STK32C: variants seen among roughly 807,000 people sequenced by gnomAD.
The protein encoded by STK32C is serine/threonine kinase 32C, also known as serine/threonine-protein kinase 32C.
STK32C carries 31 observed loss-of-function variants against 56.5 expected under a neutral mutation model. The ratio of observed to expected loss-of-function variants is 0.55; its 90% CI spans 0.41 to 0.74. The LOEUF (loss-of-function observed/expected upper bound fraction) is 0.74, where lower values mean the gene tolerates loss of function less well. STK32C is among the 30% of genes least tolerant of loss of function. The pLI is 0.00. For missense variants in STK32C, 544 were observed against 676.9 expected (o/e 0.80, Z 2.18); for synonymous variants, 309 against 289.4 (o/e 1.07, Z -0.69).
At chr10:132,298,728 C>T (rs1200110555) in intron 1 of STK32C, among the ~76,000 whole-genome samples, 1 of 151,904 alleles carries the variant, frequency 6.6e-6, no homozygotes, top group Non-Finnish European at 1.5e-5. Flanking sequence ...GTGGAGTCAC[C>T]CAGGCAGTGT....
Position 132,243,013 on chromosome 10 carries a change from C to G in STK32C, c.318+2887G>C, listed in dbSNP as rs956740254. ...CTTACAGGCCAGAGGGGCCGGGGCT[C>G]GGCATGGGCTTGGGGTTCATGCCCA... On this transcript the variant is annotated intron_variant, in intron 2 of 11. Transcript: ENST00000298630. 2.0e-5 allele frequency among the ~76,000 whole-genome samples: 3 copies of G among 152,364 alleles called. No individual in the cohort carries two copies. In the East Asian group the frequency reaches 5.8e-4, roughly 29 times the overall value.
intron 10 of STK32C, among the ~76,000 whole-genome samples, chr10:132,212,632 G>A (rs1452981109): frequency 6.6e-6 from 1 of 152,148 alleles, no homozygotes; most frequent in African/African-American, 2.4e-5. Context: ...ATAGCCCATG[G>A]AACAGGAGGA....
intron 1 of STK32C, among the ~76,000 whole-genome samples, chr10:132,253,626 G>A (rs1049830981): frequency 6.7e-6 from 1 of 149,744 alleles, no homozygotes; most frequent in Non-Finnish European, 1.5e-5. Flanking sequence ...GGAGCTGGAG[G>A]GAGCTGAGGG....
rs183535649 is a variant in STK32C at position 132,225,404 on chromosome 10, G to T, written c.773-68C>A. On this transcript the variant is annotated intron_variant, in intron 6 of 11. Transcript: ENST00000298630. ...AGCCCGGACCCGTGGGCACAGGGCC[G>T]GCACCTTGAGGCCACATCCCGAGAC... 3 of 1,579,928 alleles carry T rather than the reference G, an allele frequency of 1.9e-6. No homozygotes were observed. In the East Asian group the frequency reaches 6.8e-5, roughly 36 times the overall value.
chr10:132,239,903 A>G (rs1249654405), intron 2 of STK32C, among the ~76,000 whole-genome samples: 19 of 152,228 alleles, frequency 1.2e-4, no homozygotes, highest in Admixed American at 1.2e-3. Flanking sequence ...ATCACTCGCC[A>G]TGGGAACACA....
chr10:132,331,200 C>CAAAAAAAAA (rs35734065), intron 1 of STK32C, among the ~76,000 whole-genome samples: 1 of 56,330 alleles, frequency 1.8e-5, no homozygotes, highest in African/African-American at 7.1e-5. Context: ...GACTCCACCT[C>CAAAAAAAAA]AAAAAAAAAA....
chr10:132,290,213 G>A (rs893878698), intron 1 of STK32C, among the ~76,000 whole-genome samples: 5 of 152,176 alleles, frequency 3.3e-5, no homozygotes, highest in African/African-American at 1.2e-4. Context: ...GGACACCGCA[G>A]TACACTCCCT....
rs554617205 is a variant in STK32C at position 132,245,440 on chromosome 10, C to T, written c.318+460G>A. Among the ~76,000 whole-genome samples, 302 of 152,332 alleles carry T rather than the reference C, an allele frequency of 2.0e-3. 4 individuals are homozygous for T. The highest frequency in any genetic ancestry group is 8.7e-3 in the South Asian group (42 of 4,830). On this transcript the variant is annotated intron_variant, in intron 2 of 11. Coordinates refer to ENST00000298630, the MANE Select transcript of STK32C (RefSeq NM_173575.4). ...AGAAAACAAAAGGAGAGTAAAGGAACGGGCTCCGTCCAGGCCGGCAAACAG... is the reference window on the plus strand; with the variant it reads ...AGAAAACAAAAGGAGAGTAAAGGAATGGGCTCCGTCCAGGCCGGCAAACAG...
At chr10:132,269,649 AG>A (rs1182428014) in intron 1 of STK32C, among the ~76,000 whole-genome samples, 1 of 152,248 alleles carries the variant, frequency 6.6e-6, no homozygotes, top group Non-Finnish European at 1.5e-5. Flanking sequence ...TGAGCTTATG[AG>A]ACAGACCCCA....
chr10:132,274,056 C>G (rs145691075), intron 1 of STK32C, among the ~76,000 whole-genome samples: 1 of 152,154 alleles, frequency 6.6e-6, no homozygotes, highest in Non-Finnish European at 1.5e-5. Flanking sequence ...TAAACATTTG[C>G]GAGGTGAAGC....
intron 2 of STK32C, among the ~76,000 whole-genome samples, chr10:132,240,087 ACCCCCAGGGAAGCC>A (rs1362713076): frequency 1.3e-5 from 2 of 149,776 alleles, no homozygotes; most frequent in East Asian, 2.0e-4. Flanking sequence ...CCCAAAGAAG[ACCCCCAGGGAAGCC>A]CCCCCAGGGC....
intron 1 of STK32C, among the ~76,000 whole-genome samples, chr10:132,328,762 A>C (rs1298946900): frequency 6.6e-6 from 1 of 152,242 alleles, no homozygotes; most frequent in African/African-American, 2.4e-5. Context: ...TTTCACTTCC[A>C]TGAAAGGAAT....
intron 1 of STK32C, among the ~76,000 whole-genome samples, chr10:132,270,876 C>T (rs1014704090): frequency 2.0e-5 from 3 of 152,120 alleles, no homozygotes; most frequent in East Asian, 3.9e-4. Context: ...GAGGACCCAC[C>T]TGTGGCCCAG....
chr10:132,208,358 G>A (rs1565055137), intron 11 of STK32C, among the ~76,000 whole-genome samples: 1 of 152,240 alleles, frequency 6.6e-6, no homozygotes, highest in Non-Finnish European at 1.5e-5. Context: ...ATGCTGGCGA[G>A]GCTCGGCGTG....
At chr10:132,285,077 G>A (rs1291875082) in intron 1 of STK32C, among the ~76,000 whole-genome samples, 1 of 141,184 alleles carries the variant, frequency 7.1e-6, no homozygotes, top group Non-Finnish European at 1.5e-5. Context: ...TCTGCCCAAA[G>A]ACCAGGCATG....
At chr10:132,331,559 T>C (rs1255848338) in exon 1 of STK32C, 2 of 1,612,908 alleles carry the variant, frequency 1.2e-6, no homozygotes, top group Non-Finnish European at 8.5e-7. Flanking sequence ...AAGCAGCTCC[T>C]GTGGGAAGTG....
chr10:132,249,329 A>C (rs1213641321), intron 1 of STK32C, among the ~76,000 whole-genome samples: 2 of 149,868 alleles, frequency 1.3e-5, no homozygotes, highest in African/African-American at 4.8e-5. Flanking sequence ...ACTGACAAGG[A>C]GGGCAGCCAC....
intron 1 of STK32C, among the ~76,000 whole-genome samples, chr10:132,295,826 T>C (rs1590426237): frequency 6.6e-6 from 1 of 150,744 alleles, no homozygotes; most frequent in Middle Eastern, 3.5e-3. Context: ...GAGGCTGCAG[T>C]GAGCCGAGGT....
chr10:132,322,942 TC>T (rs1274254214), downstream of STK32C, among the ~76,000 whole-genome samples: 4 of 152,154 alleles, frequency 2.6e-5, no homozygotes, highest in Admixed American at 2.6e-4. Flanking sequence ...CCCAGAGTGT[TC>T]TTACGAAACC....
Sources: gnomAD v4.1 joint callset for allele counts (sites outside exome capture counted in the v4.1 genomes callset) on GRCh38, gnomAD v4.1.1 for gene constraint, MANE v1.5 for transcripts, NCBI Gene and HGNC (gene_info 2026-07-23, HGNC 2026-07-21) for gene names.